Variants in FOXN3 observed in about 807,000 individuals in gnomAD.
FOXN3 encodes the protein forkhead box N3, also known as forkhead box protein N3.
FOXN3 carries 7 observed loss-of-function variants against 38.4 expected under a neutral mutation model. That is an observed-to-expected ratio of 0.18 (90% CI 0.10 to 0.34). The LOEUF is 0.34. Ranked by LOEUF, FOXN3 falls within the 10% of genes least tolerant of loss-of-function variation. The pLI, the probability that FOXN3 is intolerant of heterozygous loss-of-function variation, is 1.00. For missense variants in FOXN3, 456 were observed against 613.4 expected (o/e 0.74, Z 2.71); for synonymous variants, 230 against 242.2 (o/e 0.95, Z 0.47).
chr14:89,550,808 A>G lies in FOXN3; in HGVS notation c.-15+68220T>C, dbSNP rs574905503. On this transcript the variant is annotated intron_variant, in intron 1 of 6. Transcript: ENST00000345097. ...TTGACTCTTCCCCAGAAGTAAAGGT[A>G]CTGATTTTAATACCATGCTTGCTGG... Among the ~76,000 whole-genome samples the G allele has an allele frequency of 5.3e-5, 8 of 152,328 alleles. No individual in the cohort carries two copies. In the East Asian group the frequency reaches 1.2e-3, roughly 22 times the overall value.
intron 2 of FOXN3, among the ~76,000 whole-genome samples, chr14:89,402,118 CTA>C (rs758792266): frequency 6.6e-6 from 1 of 152,252 alleles, no homozygotes; most frequent in Non-Finnish European, 1.5e-5. Context: ...CTTCAACCAT[CTA>C]TTTCCTTGCT....
At chr14:89,343,184 C>T (rs1426150505) in intron 3 of FOXN3, among the ~76,000 whole-genome samples, 1 of 152,166 alleles carries the variant, frequency 6.6e-6, no homozygotes, top group Non-Finnish European at 1.5e-5. Context: ...TAAGCTATTC[C>T]TTGCTGTGTG....
At chr14:89,600,834 T>C (rs377517651) in intron 1 of FOXN3, among the ~76,000 whole-genome samples, 1 of 152,168 alleles carries the variant, frequency 6.6e-6, no homozygotes, top group South Asian at 2.1e-4. Flanking sequence ...TCTGAAAAAA[T>C]AGAGAAACCT....
At chr14:89,441,230 G>A (rs1367365771) in intron 1 of FOXN3, among the ~76,000 whole-genome samples, 1 of 151,946 alleles carries the variant, frequency 6.6e-6, no homozygotes, top group Non-Finnish European at 1.5e-5. Context: ...AACAACAACT[G>A]CATCTGCATA....
At chr14:89,204,132 ATCTC>A (rs1415905017) in intron 4 of FOXN3, among the ~76,000 whole-genome samples, 3 of 147,564 alleles carry the variant, frequency 2.0e-5, no homozygotes, top group Non-Finnish European at 4.5e-5. Context: ...CACAGGAGCG[ATCTC>A]TCTCTTTCTC....
intron 1 of FOXN3, among the ~76,000 whole-genome samples, chr14:89,436,280 T>C (rs1892274235): frequency 8.4e-6 from 1 of 118,350 alleles, no homozygotes; most frequent in African/African-American, 3.3e-5. Flanking sequence ...AAAAGGTTTG[T>C]TTATTCATTA....
At chr14:89,209,205 C>A (rs991096830) in intron 4 of FOXN3, among the ~76,000 whole-genome samples, 2 of 152,232 alleles carry the variant, frequency 1.3e-5, no homozygotes, top group Admixed American at 6.5e-5. Context: ...CCTTATCTGG[C>A]GGCCACGTTA....
intron 3 of FOXN3, among the ~76,000 whole-genome samples, chr14:89,335,298 T>C (rs756807531): frequency 8.5e-5 from 13 of 152,324 alleles, no homozygotes; most frequent in Non-Finnish European, 1.0e-4. Flanking sequence ...CCAAGACTAA[T>C]TGTAAAACAA....
At chr14:89,480,616 C>A (rs1283583956) in intron 1 of FOXN3, among the ~76,000 whole-genome samples, 1 of 151,934 alleles carries the variant, frequency 6.6e-6, no homozygotes, top group Non-Finnish European at 1.5e-5. Flanking sequence ...AATGTCATTT[C>A]ATATTCCAAG....
chr14:89,478,726 G>C (rs1476527579), intron 1 of FOXN3, among the ~76,000 whole-genome samples: 1 of 151,928 alleles, frequency 6.6e-6, no homozygotes, highest in Admixed American at 6.6e-5. Flanking sequence ...GAGGTCAGGA[G>C]TTTGAGACCA....
intron 4 of FOXN3, among the ~76,000 whole-genome samples, chr14:89,224,792 A>C (rs1459704363): frequency 1.3e-5 from 2 of 152,178 alleles, no homozygotes; most frequent in Non-Finnish European, 2.9e-5. Flanking sequence ...TGAGGCCAGG[A>C]GTTCAAGACT....
chr14:89,160,459 A>G lies in FOXN3; in HGVS notation c.*1955T>C, dbSNP rs1209749316. 6.6e-6 allele frequency: 1 copy of G among 152,258 alleles called. No homozygotes were observed. The highest frequency in any genetic ancestry group is 1.5e-5 in the Non-Finnish European group (1 of 67,996). The allele number at this position is 152,258 out of a possible 1,614,324, so 9.4% of individuals were successfully genotyped here. A position where few individuals can be genotyped will look rare whatever the true frequency, so the allele number is the denominator to read the frequency against. On this transcript the variant is annotated 3_prime_UTR_variant, in exon 6 of 6. Transcript: ENST00000557258. ...ACCTCGGCATCGCTTCCTCCTTCAC[A>G]TGAACCCCATCTCGTCCCCTCACCC...
chr14:89,212,369 G>C (rs1382465174), intron 4 of FOXN3, among the ~76,000 whole-genome samples: 1 of 152,172 alleles, frequency 6.6e-6, no homozygotes, highest in East Asian at 1.9e-4. Flanking sequence ...GGGTTCTGGG[G>C]GTAAATTCAG....
At chr14:89,262,215 G>T (rs1178623282) in intron 4 of FOXN3, among the ~76,000 whole-genome samples, 1 of 152,216 alleles carries the variant, frequency 6.6e-6, no homozygotes. Flanking sequence ...CCACCAGTTT[G>T]CCTGTGACTC....
intron 1 of FOXN3, among the ~76,000 whole-genome samples, chr14:89,570,337 C>T (rs1265590376): frequency 6.6e-6 from 1 of 152,050 alleles, no homozygotes; most frequent in Non-Finnish European, 1.5e-5. Flanking sequence ...TAATCTTGCA[C>T]ATCATTGCTT....
chr14:89,208,785 G>GA (rs1192006523), intron 4 of FOXN3, among the ~76,000 whole-genome samples: 1 of 152,178 alleles, frequency 6.6e-6, no homozygotes, highest in African/African-American at 2.4e-5. Flanking sequence ...TGAACAGTGT[G>GA]AAAAAGATCT....
At chr14:89,488,281 C>T (rs907634714) in intron 1 of FOXN3, among the ~76,000 whole-genome samples, 4 of 151,930 alleles carry the variant, frequency 2.6e-5, no homozygotes, top group Non-Finnish European at 5.9e-5. Context: ...CAGGGTTTCG[C>T]CATGTTGGTC....
At chr14:89,174,234 T>C (rs747619369) in intron 5 of FOXN3, among the ~76,000 whole-genome samples, 1 of 152,170 alleles carries the variant, frequency 6.6e-6, no homozygotes, top group Non-Finnish European at 1.5e-5. Context: ...TCCAGTCTAA[T>C]TCTACCTGTG....
chr14:89,368,754 T>C (rs1890228326), intron 2 of FOXN3, among the ~76,000 whole-genome samples: 1 of 152,162 alleles, frequency 6.6e-6, no homozygotes. Context: ...TGGGATAGCA[T>C]ACCTGTTTCT....
Sources: gnomAD v4.1 joint callset for allele counts (sites outside exome capture counted in the v4.1 genomes callset) on GRCh38, gnomAD v4.1.1 for gene constraint, MANE v1.5 for transcripts, NCBI Gene and HGNC (gene_info 2026-07-23, HGNC 2026-07-21) for gene names.